C1D: variants seen among roughly 807,000 people sequenced by gnomAD.
C1D encodes C1D nuclear receptor corepressor.
C1D carries 10 observed loss-of-function variants against 17.5 expected under a neutral mutation model. The ratio of observed to expected loss-of-function variants is 0.57; its 90% CI spans 0.35 to 0.97. The LOEUF (loss-of-function observed/expected upper bound fraction) is 0.97. Ranked by LOEUF, C1D falls within the 50% of genes least tolerant of loss-of-function variation. The pLI is 0.01. For synonymous variants in C1D, 49 were observed against 54.0 expected, an observed-to-expected ratio of 0.91 and a Z score of 0.40; for missense variants, 136 against 160.1, an observed-to-expected ratio of 0.85 and a Z score of 0.81.
chr2:68,057,834 C>T (rs1047264655), intron 1 of C1D, among the ~76,000 whole-genome samples: 1 of 152,168 alleles, frequency 6.6e-6, no homozygotes, highest in African/African-American at 2.4e-5. Flanking sequence ...GTTTTCTACA[C>T]CTAAATTGTC....
chr2:68,053,033 A>C, intron 1 of C1D: 1 of 1,547,822 alleles, frequency 6.5e-7, no homozygotes, highest in Non-Finnish European at 8.7e-7. Flanking sequence ...TGTACATGTT[A>C]AAATTTCCAA....
At chr2:68,043,398 T>A (rs1271047770) in intron 4 of C1D, among the ~76,000 whole-genome samples, 1 of 152,212 alleles carries the variant, frequency 6.6e-6, no homozygotes. Context: ...ATCTACATAT[T>A]AACTGTTTTG....
At chr2:68,056,560 T>C (rs1029019163) in intron 1 of C1D, among the ~76,000 whole-genome samples, 1 of 151,912 alleles carries the variant, frequency 6.6e-6, no homozygotes, top group African/African-American at 2.4e-5. Context: ...AAAGCCTCTA[T>C]GAATCAATTT....
intron 1 of C1D, among the ~76,000 whole-genome samples, chr2:68,060,813 GGCTATT>G (rs1211277389): frequency 1.3e-5 from 2 of 152,088 alleles, no homozygotes; most frequent in Non-Finnish European, 2.9e-5. Flanking sequence ...TTACTCACTG[GGCTATT>G]GCTCAAGGGA....
chr2:68,046,266 G>C, intron 3 of C1D, 78 bp downstream of exon 3: 1 of 1,128,650 alleles, frequency 8.9e-7, no homozygotes, highest in Non-Finnish European at 1.3e-6. Context: ...TAAATAAATT[G>C]TTAGCATTTT....
Position 68,060,692 on chromosome 2 carries a change from G to T in C1D, c.-10+2266C>A, listed in dbSNP as rs565303646. Among the ~76,000 whole-genome samples, 10 of 152,066 alleles carry T rather than the reference G, an allele frequency of 6.6e-5. No individual in the cohort carries two copies. In the South Asian group the frequency reaches 1.9e-3, roughly 28 times the overall value. The stretch of plus-strand genomic sequence containing the variant: ...GCAGGGCGGGCAAGGGCAGAGCAGG[G>T]CAGGAAAGGAAACAAAAGAAAACAA... On this transcript the variant is annotated intron_variant, in intron 1 of 4. Transcript: ENST00000410067.
chr2:68,050,332 AC>A (rs561542555), intron 1 of C1D, among the ~76,000 whole-genome samples: 1 of 151,488 alleles, frequency 6.6e-6, no homozygotes, highest in African/African-American at 2.4e-5. Context: ...ACTTCATATC[AC>A]CCCCCAGCTA....
intron 1 of C1D, among the ~76,000 whole-genome samples, chr2:68,053,591 C>T (rs1387266661): frequency 6.6e-6 from 1 of 152,206 alleles, no homozygotes; most frequent in Non-Finnish European, 1.5e-5. Flanking sequence ...ATGCTTTAAA[C>T]AGTCTGGTCA....
In C1D at chr2:68,047,206, C is replaced by T. The variant is rs761125579; in HGVS notation, c.105G>A (p.Met35Ile). 43 of 1,609,666 alleles carry T rather than the reference C, an allele frequency of 2.7e-5. No homozygotes were observed. The South Asian group carries it at 4.2e-4, about 16-fold the overall frequency. The change falls in exon 2 of 5, where the codon ATG becomes ATA. Residue 35 changes from methionine (M) to isoleucine (I), a missense_variant. Met to Ile is a conservative substitution (Grantham distance 10, BLOSUM62 1). Coordinates refer to ENST00000410067, the MANE Select transcript of C1D (RefSeq NM_173177.3). Reference sequence around the variant, plus strand: ...ACAACTCATTTCTAGAAACAGACATCATGGTCTTCAGCATCTCATCCACAG... The same window carrying T: ...ACAACTCATTTCTAGAAACAGACATTATGGTCTTCAGCATCTCATCCACAG... ...IGAVDEMLKT[M>I]MSVSRNELLQ...
intron 1 of C1D, among the ~76,000 whole-genome samples, chr2:68,053,639 C>G (rs1671349862): frequency 2.0e-5 from 3 of 152,214 alleles, no homozygotes; most frequent in Admixed American, 6.5e-5. Flanking sequence ...ACAGTTCCCT[C>G]CCACATGGAA....
In C1D at chr2:68,046,425, A is replaced by G; in HGVS notation, c.139-15T>C. On this transcript the variant is annotated splice_polypyrimidine_tract_variant and intron_variant, in intron 2 of 4. Transcript: ENST00000410067. ...AGTGGATCCAACTGTTAAAAAAGAA[A>G]GAGAGAGGGAAAGAGAGAAAGTGAG... The G allele has an allele frequency of 6.3e-7, 1 of 1,590,178 alleles. No individual in the cohort carries two copies. Among genetic ancestry groups the G allele is most frequent in the Admixed American group, 1.7e-5 (1 of 58,990 alleles).
intron 3 of C1D, 101 bp downstream of exon 3, chr2:68,046,243 T>A: frequency 2.1e-6 from 2 of 970,174 alleles, no homozygotes; most frequent in Non-Finnish European, 3.2e-6. Context: ...AAAAGTGTTA[T>A]AAAGTATAAT....
At chr2:68,061,132 T>C (rs982832823) in intron 1 of C1D, among the ~76,000 whole-genome samples, 1 of 152,208 alleles carries the variant, frequency 6.6e-6, no homozygotes, top group Non-Finnish European at 1.5e-5. Flanking sequence ...TTTTTGGAAT[T>C]TGAGAGCCAT....
chr2:68,051,982 A>G (rs1671295628), intron 1 of C1D, among the ~76,000 whole-genome samples: 1 of 151,984 alleles, frequency 6.6e-6, no homozygotes, highest in Non-Finnish European at 1.5e-5. Context: ...CAGTCAATAC[A>G]TTTGTTGAAA....
At chr2:68,045,939 C>A (rs756698263) in intron 4 of C1D, 49 bp downstream of exon 4, 4 of 1,296,300 alleles carry the variant, frequency 3.1e-6, no homozygotes, top group Non-Finnish European at 4.3e-6. Context: ...TGACAAACCT[C>A]AGGAATACAA....
chr2:68,059,265 A>C (rs544814461), intron 1 of C1D, among the ~76,000 whole-genome samples: 24 of 152,266 alleles, frequency 1.6e-4, no homozygotes, highest in Non-Finnish European at 1.5e-5. Flanking sequence ...CAAGACATTC[A>C]ATCTGCCTCC....
At chr2:68,051,616 T>G (rs1671284288) in intron 1 of C1D, among the ~76,000 whole-genome samples, 1 of 152,192 alleles carries the variant, frequency 6.6e-6, no homozygotes, top group Non-Finnish European at 1.5e-5. Flanking sequence ...CCACTCTCCC[T>G]TGCTTATTTC....
chr2:68,048,633 G>A (rs978746160), intron 1 of C1D, among the ~76,000 whole-genome samples: 4 of 151,918 alleles, frequency 2.6e-5, no homozygotes, highest in African/African-American at 9.7e-5. Flanking sequence ...AAAAAATAAA[G>A]TGAAGTCTAT....
intron 4 of C1D, among the ~76,000 whole-genome samples, chr2:68,043,403 G>C (rs779401480): frequency 6.6e-6 from 1 of 151,998 alleles, no homozygotes; most frequent in Non-Finnish European, 1.5e-5. Context: ...CATATTAACT[G>C]TTTTGTATCT....
Sources: allele counts gnomAD v4.1 joint callset (sites outside exome capture counted in the v4.1 genomes callset), GRCh38; gene constraint gnomAD v4.1.1; transcripts MANE v1.5; gene names NCBI Gene and HGNC (gene_info 2026-07-23, HGNC 2026-07-21).